ATP9B: variants seen among roughly 807,000 people sequenced by gnomAD.
The protein encoded by ATP9B is probable phospholipid-transporting ATPase IIB.
ATP9B carries 110 observed loss-of-function variants against 146.1 expected under a neutral mutation model. The observed-to-expected ratio is 0.75, with a 90% CI of 0.65 to 0.88. ATP9B has a LOEUF of 0.88. Among genes scored for constraint, ATP9B ranks in the 40% least tolerant of loss-of-function variants. The pLI is 0.00. For synonymous variants in ATP9B, 604 were observed against 569.7 expected, an observed-to-expected ratio of 1.06 and a Z score of -0.86; for missense variants, 1,499 against 1,496.4, an observed-to-expected ratio of 1.00 and a Z score of -0.03.
At chr18:79,106,549 G>A (rs501725) in intron 2 of ATP9B, among the ~76,000 whole-genome samples, 20,063 of 152,104 alleles carry the variant, frequency 0.13, 1,922 homozygotes, top group African/African-American at 0.27. Context: ...TGCCTGTTGC[G>A]AGTGTATTCA....
chr18:79,283,692 C>T (rs372522418), intron 13 of ATP9B, among the ~76,000 whole-genome samples: 5 of 152,300 alleles, frequency 3.3e-5, no homozygotes, highest in East Asian at 3.9e-4. Context: ...ATTCGACAAG[C>T]GTAGACATCT....
At chr18:79,105,318 TAC>T (rs939053847) in intron 2 of ATP9B, among the ~76,000 whole-genome samples, 4 of 152,252 alleles carry the variant, frequency 2.6e-5, no homozygotes, top group African/African-American at 9.6e-5. Context: ...AATAGATTTA[TAC>T]AGTTAGTTTA....
intron 11 of ATP9B, among the ~76,000 whole-genome samples, chr18:79,251,812 AT>A (rs149753121): frequency 6.6e-6 from 1 of 152,084 alleles, no homozygotes; most frequent in Non-Finnish European, 1.5e-5. Context: ...CTCAAACTTT[AT>A]TTTTTTTAAT....
chr18:79,130,503 A>G (rs2094359903), intron 5 of ATP9B, among the ~76,000 whole-genome samples: 1 of 142,646 alleles, frequency 7.0e-6, no homozygotes, highest in African/African-American at 2.5e-5. Flanking sequence ...AGATGCAAGA[A>G]GTCGAGGAGA....
intron 10 of ATP9B, 127 bp downstream of exon 10, chr18:79,207,139 C>A: frequency 1.2e-6 from 1 of 852,138 alleles, no homozygotes; most frequent in Non-Finnish European, 1.9e-6. Flanking sequence ...TAAACGCAGA[C>A]TCCAGCTCAG....
At chr18:79,340,844 G>A (rs2062181) in intron 19 of ATP9B, among the ~76,000 whole-genome samples, 34,137 of 152,156 alleles carry the variant, frequency 0.22, 4,638 homozygotes, top group East Asian at 0.52. Flanking sequence ...TTGAACCTCC[G>A]TTTCCAACTA....
At chr18:79,119,330 A>C (rs1043482530) in intron 4 of ATP9B, among the ~76,000 whole-genome samples, 1 of 152,232 alleles carries the variant, frequency 6.6e-6, no homozygotes, top group Non-Finnish European at 1.5e-5. Flanking sequence ...TGTGCACACA[A>C]GCACACACAC....
chr18:79,207,903 C>A (rs570904955), intron 10 of ATP9B, among the ~76,000 whole-genome samples: 106 of 152,184 alleles, frequency 7.0e-4, no homozygotes, highest in African/African-American at 2.3e-3. Context: ...TGTTGCTGTG[C>A]TAAGTATCAC....
chr18:79,374,640 G>A (rs7236514), intron 28 of ATP9B, among the ~76,000 whole-genome samples: 39,730 of 152,244 alleles, frequency 0.26, 5,972 homozygotes, highest in African/African-American at 0.42. Context: ...ACACAGCCGC[G>A]TGTGCACTTG....
chr18:79,092,363 TTGTGTATC>T (rs940947825), intron 1 of ATP9B, among the ~76,000 whole-genome samples: 11 of 152,162 alleles, frequency 7.2e-5, no homozygotes, highest in South Asian at 2.1e-4. Flanking sequence ...TGTGACACAA[TTGTGTATC>T]TGTGTATCTA....
rs772344558 is a variant in ATP9B, at chr18:79,374,080, G to A, written c.3253G>A (p.Ala1085Thr). ...CTTAGGCTGCTACGTGTCCTCACTC[G>A]CTTTTCTCAATGAATATTTTGGTAA... Reference protein sequence around the residue: ...LSLGCYVSSLAFLNEYFGIGR... With the variant: ...LSLGCYVSSLTFLNEYFGIGR... Residue 1085 changes from alanine (A) to threonine (T), a missense_variant, in exon 28 of 30, where the codon GCT becomes ACT. Ala to Thr is a moderately conservative substitution (Grantham distance 58, BLOSUM62 0). Transcript: ENST00000426216. The A allele has an allele frequency of 1.2e-5, 20 of 1,613,996 alleles. No homozygotes were observed. The highest frequency in any genetic ancestry group is 2.7e-5 in the African/African-American group (2 of 74,920).
intron 13 of ATP9B, among the ~76,000 whole-genome samples, chr18:79,297,350 G>GCCAGAGAGGAGACACAGACGAC: frequency 7.0e-6 from 1 of 143,374 alleles, no homozygotes; most frequent in South Asian, 2.3e-4. Flanking sequence ...AGATGACCCA[G>GCCAGAGAGGAGACACAGACGAC]CCAGAGAGGA....
intron 8 of ATP9B, among the ~76,000 whole-genome samples, chr18:79,181,074 G>A (rs961701663): frequency 6.6e-5 from 10 of 152,092 alleles, no homozygotes; most frequent in African/African-American, 2.4e-4. Flanking sequence ...GCCTCCCAAA[G>A]TGGGGGATTA....
chr18:79,138,956 T>C (rs1278463933), intron 5 of ATP9B, among the ~76,000 whole-genome samples: 1 of 152,164 alleles, frequency 6.6e-6, no homozygotes, highest in African/African-American at 2.4e-5. Context: ...TAGTCCCATC[T>C]ACTCCAGAGG....
chr18:79,086,461 A>G (rs1197744696), intron 1 of ATP9B: 1 of 146,158 alleles, frequency 6.8e-6, no homozygotes, highest in Non-Finnish European at 1.5e-5. Context: ...AAAAAGATAA[A>G]ATCTCAAGTT....
At chr18:79,224,210 T>G (rs376452611) in intron 11 of ATP9B, among the ~76,000 whole-genome samples, 1 of 152,370 alleles carries the variant, frequency 6.6e-6, no homozygotes, top group East Asian at 1.9e-4. Context: ...TTTTTTGAAC[T>G]CCTTGATTCC....
intron 12 of ATP9B, among the ~76,000 whole-genome samples, chr18:79,259,189 A>G (rs1239017198): frequency 1.3e-5 from 2 of 152,212 alleles, no homozygotes; most frequent in Admixed American, 1.3e-4. Context: ...ATAGTATTTA[A>G]CGTTGACTTT....
chr18:79,215,756 CT>C (rs887175969), intron 11 of ATP9B, among the ~76,000 whole-genome samples: 3 of 152,020 alleles, frequency 2.0e-5, no homozygotes, highest in African/African-American at 7.3e-5. Context: ...GTGGTGCCAT[CT>C]TGGCTCACTG....
intron 4 of ATP9B, among the ~76,000 whole-genome samples, chr18:79,122,556 T>C (rs924407101): frequency 6.6e-6 from 1 of 152,170 alleles, no homozygotes; most frequent in African/African-American, 2.4e-5. Flanking sequence ...CTTGTGGACA[T>C]TCAGGTTATT....
Sources: allele counts gnomAD v4.1 joint callset (sites outside exome capture counted in the v4.1 genomes callset), GRCh38; gene constraint gnomAD v4.1.1; transcripts MANE v1.5; gene names NCBI Gene and HGNC (gene_info 2026-07-23, HGNC 2026-07-21).